Variants in DNAH14 observed in about 807,000 individuals in gnomAD.
DNAH14 encodes dynein axonemal heavy chain 14.
A neutral mutation model predicts 520.9 loss-of-function variants in DNAH14; 478 were observed. The ratio of observed to expected loss-of-function variants is 0.92; its 90% confidence interval spans 0.85 to 0.99. DNAH14 has a LOEUF of 0.99. Among genes scored for constraint, DNAH14 ranks in the 50% least tolerant of loss-of-function variants. The probability of loss-of-function intolerance (pLI) is 0.00; values close to 1 mark genes in which losing one functional copy is unlikely to be tolerated. For missense variants in DNAH14, 4,831 were observed against 5,234.5 expected (o/e 0.92, Z 2.38); for synonymous variants, 1,581 against 1,757.2 (o/e 0.90, Z 2.51).
intron 64 of DNAH14, among the ~76,000 whole-genome samples, chr1:225,327,696 G>A (rs747559409): frequency 1.3e-5 from 2 of 151,622 alleles, no homozygotes; most frequent in Non-Finnish European, 2.9e-5. Flanking sequence ...CCCAAAGCTA[G>A]CAGAAGAAAA....
chr1:225,171,980 A>G (rs556330374), intron 36 of DNAH14, among the ~76,000 whole-genome samples: 3 of 152,312 alleles, frequency 2.0e-5, no homozygotes, highest in Non-Finnish European at 4.4e-5. Context: ...ATCAATAAAC[A>G]TAATCCAGCA....
chr1:224,994,414 C>G (rs1202513508), intron 8 of DNAH14, among the ~76,000 whole-genome samples: 1 of 151,892 alleles, frequency 6.6e-6, no homozygotes, highest in East Asian at 1.9e-4. Context: ...ACCCCTTTAT[C>G]ATTATTTAAT....
At position 225,042,862 on chromosome 1, in the gene DNAH14, G is replaced by C; in HGVS notation, c.1516G>C (p.Asp506His). The change falls in exon 13 of 86, where the codon GAT becomes CAT. Residue 506 changes from aspartate (D) to histidine (H), a missense_variant. Asp to His is a moderately conservative substitution (Grantham distance 81). Coordinates refer to ENST00000682510, the MANE Select transcript of DNAH14 (RefSeq NM_001367479.1). Reference protein sequence around the residue: ...EILNSVEVGKDLRKTYAPIFE... With the variant: ...EILNSVEVGKHLRKTYAPIFE... ...TTTGAATAGTGTTGAAGTGGGGAAGGATTTGAGAAAAACATATGCACCAAT... is the reference window on the plus strand; with the variant it reads ...TTTGAATAGTGTTGAAGTGGGGAAGCATTTGAGAAAAACATATGCACCAAT... The C allele has an allele frequency of 6.4e-7, 1 of 1,551,364 alleles. No individual in the cohort carries two copies. Among genetic ancestry groups the C allele is most frequent in the Non-Finnish European group, 8.7e-7 (1 of 1,146,872 alleles).
chr1:224,972,838 A>T (rs1284001746), intron 7 of DNAH14, among the ~76,000 whole-genome samples: 2 of 152,228 alleles, frequency 1.3e-5, no homozygotes, highest in Non-Finnish European at 2.9e-5. Flanking sequence ...AAATAGAAAA[A>T]TGAGATAAAG....
At chr1:224,945,201 T>A (rs902830027) in intron 1 of DNAH14, among the ~76,000 whole-genome samples, 1 of 152,158 alleles carries the variant, frequency 6.6e-6, no homozygotes, top group Non-Finnish European at 1.5e-5. Context: ...TCTTTTTATT[T>A]TTTTTTCTCT....
chr1:225,252,424 A>G lies in DNAH14; in HGVS notation c.6865+7A>G, dbSNP rs778428433. ...CAGACACTAATTCAAAGAGGTAAGA[A>G]TAATTATAAGAATCATACTTGTAAC... is the stretch of plus-strand genomic sequence containing the variant. On this transcript the variant is annotated splice_region_variant and intron_variant, in intron 44 of 85. Coordinates refer to ENST00000682510, the MANE Select transcript of DNAH14 (RefSeq NM_001367479.1). 7.1e-7 allele frequency: 1 copy of G among 1,407,468 alleles called. No individual in the cohort carries two copies. The highest frequency in any genetic ancestry group is 1.4e-5 in the African/African-American group (1 of 70,218). 87.2% of individuals were successfully genotyped at this position (1,407,468 alleles called of 1,614,324 possible).
intron 10 of DNAH14, among the ~76,000 whole-genome samples, chr1:225,015,641 C>T (rs546851111): frequency 7.9e-5 from 12 of 152,228 alleles, no homozygotes; most frequent in African/African-American, 1.7e-4. Flanking sequence ...GGGTAAACAA[C>T]GTTTACCCCA....
chr1:224,960,344 C>A, intron 4 of DNAH14, 42 bp downstream of exon 4: 2 of 1,462,370 alleles, frequency 1.4e-6, no homozygotes, highest in Non-Finnish European at 1.8e-6. Flanking sequence ...AATCACTATA[C>A]TTTTTCAGAT....
intron 8 of DNAH14, among the ~76,000 whole-genome samples, chr1:224,984,313 T>C (rs2062470032): frequency 6.6e-6 from 1 of 152,150 alleles, no homozygotes; most frequent in South Asian, 2.1e-4. Flanking sequence ...TTTTAACAAA[T>C]GGTGCTGGGA....
At chr1:225,017,034 G>T in intron 10 of DNAH14, among the ~76,000 whole-genome samples, 1 of 151,256 alleles carries the variant, frequency 6.6e-6, no homozygotes, top group African/African-American at 2.4e-5. Flanking sequence ...TATTTTTCTG[G>T]CATCTTATAC....
intron 69 of DNAH14, among the ~76,000 whole-genome samples, chr1:225,345,173 C>T (rs1183883418): frequency 6.6e-6 from 1 of 152,176 alleles, no homozygotes; most frequent in African/African-American, 2.4e-5. Context: ...ATATGGTACA[C>T]AGACTGTGGT....
intron 1 of DNAH14, among the ~76,000 whole-genome samples, chr1:224,948,770 T>G (rs2059997869): frequency 6.6e-6 from 1 of 152,114 alleles, no homozygotes; most frequent in Non-Finnish European, 1.5e-5. Context: ...TGCATACTTA[T>G]CAAAGCATAA....
intron 17 of DNAH14, among the ~76,000 whole-genome samples, chr1:225,069,227 A>G (rs2071267549): frequency 6.6e-6 from 1 of 152,172 alleles, no homozygotes; most frequent in Non-Finnish European, 1.5e-5. Context: ...CCCTGGTCAG[A>G]ACTTGCAATA....
chr1:225,394,518 T>C (rs770294978), intron 84 of DNAH14, among the ~76,000 whole-genome samples: 3 of 152,220 alleles, frequency 2.0e-5, no homozygotes, highest in South Asian at 4.1e-4. Flanking sequence ...CTAGAAACTA[T>C]ATTGCTTTAC....
chr1:225,282,684 G>C (rs1348655535), intron 54 of DNAH14, among the ~76,000 whole-genome samples: 1 of 152,162 alleles, frequency 6.6e-6, no homozygotes, highest in African/African-American at 2.4e-5. Flanking sequence ...AAGATGAGAG[G>C]GCTGAAGTAT....
intron 69 of DNAH14, among the ~76,000 whole-genome samples, chr1:225,345,589 T>C (rs573175569): frequency 6.6e-6 from 1 of 152,250 alleles, no homozygotes; most frequent in South Asian, 2.1e-4. Context: ...TCACGTAAAA[T>C]AATGGCACAC....
At chr1:224,972,101 T>A (rs1297464758) in intron 7 of DNAH14, among the ~76,000 whole-genome samples, 1 of 152,174 alleles carries the variant, frequency 6.6e-6, no homozygotes, top group Non-Finnish European at 1.5e-5. Flanking sequence ...TTAAACTTTT[T>A]AAGTTCAACT....
intron 71 of DNAH14, among the ~76,000 whole-genome samples, chr1:225,349,815 T>C (rs912114649): frequency 1.3e-5 from 2 of 151,852 alleles, no homozygotes; most frequent in Admixed American, 6.6e-5. Flanking sequence ...CTTTGACAAA[T>C]TGAAGGGAGA....
At chr1:225,388,514 A>T in intron 82 of DNAH14, 23 bp downstream of exon 82, 1 of 1,360,068 alleles carries the variant, frequency 7.4e-7, no homozygotes. Context: ...GATGCTTTAC[A>T]TTTCTTCCTC....
Sources: allele counts gnomAD v4.1 joint callset (sites outside exome capture counted in the v4.1 genomes callset), GRCh38; gene constraint gnomAD v4.1.1; transcripts MANE v1.5; gene names NCBI Gene and HGNC (gene_info 2026-07-23, HGNC 2026-07-21).